Variants in TENM2 observed in about 807,000 individuals in gnomAD.
TENM2 encodes teneurin-2.
In TENM2, 52 loss-of-function variants were observed where a neutral mutation model predicts 245.2. The observed-to-expected ratio is 0.21, with a 90% CI of 0.17 to 0.27. The LOEUF (loss-of-function observed/expected upper bound fraction) is 0.27. TENM2 is among the 10% of genes least tolerant of loss of function. The probability of loss-of-function intolerance (pLI) is 1.00; values close to 1 mark genes in which losing one functional copy is unlikely to be tolerated. For missense variants in TENM2, 3,046 were observed against 3,666.8 expected, an observed-to-expected ratio of 0.83 and a Z score of 4.37; for synonymous variants, 1,363 against 1,438.9, an observed-to-expected ratio of 0.95 and a Z score of 1.19.
At chr5:167,447,459 G>T (rs548760357) in intron 2 of TENM2, among the ~76,000 whole-genome samples, 6 of 152,248 alleles carry the variant, frequency 3.9e-5, no homozygotes, top group Non-Finnish European at 8.8e-5. Flanking sequence ...TGCTTGTTTG[G>T]TTTTTCTTTT....
the TENM2 span, among the ~76,000 whole-genome samples, chr5:167,179,013 C>T: frequency 1.3e-5 from 2 of 151,996 alleles, no homozygotes; most frequent in Admixed American, 6.6e-5. Flanking sequence ...GGAGAGGTTC[C>T]GTATGTTTAA....
intron 3 of TENM2, among the ~76,000 whole-genome samples, chr5:167,910,849 A>G (rs574398109): frequency 6.6e-6 from 1 of 152,324 alleles, no homozygotes; most frequent in East Asian, 1.9e-4. Flanking sequence ...AAGTAAATCC[A>G]TGGCAGCACA....
chr5:167,840,259 C>CA (rs1369152290), intron 2 of TENM2, among the ~76,000 whole-genome samples: 2 of 151,940 alleles, frequency 1.3e-5, no homozygotes, highest in Non-Finnish European at 2.9e-5. Flanking sequence ...ACTTCAGAGC[C>CA]AAAAAAGCAG....
At position 168,138,310 on chromosome 5, in the gene TENM2, T is replaced by C. The variant is rs183047955; in HGVS notation, c.2422+11344T>C. Among the ~76,000 whole-genome samples, 9 of 152,344 alleles carry C rather than the reference T, an allele frequency of 5.9e-5. No homozygotes were observed. In the East Asian group the frequency reaches 1.5e-3, roughly 26 times the overall value. ...TAAATAATACCTACGACCTACTGTA[T>C]TGAGGATTTCACTGATGGAGAGCAC... On this transcript the variant is annotated intron_variant, in intron 12 of 28. Transcript: ENST00000518659.
At chr5:168,018,372 T>A (rs1785839802) in intron 5 of TENM2, among the ~76,000 whole-genome samples, 1 of 144,350 alleles carries the variant, frequency 6.9e-6, no homozygotes, top group Non-Finnish European at 1.5e-5. Flanking sequence ...CATGGTGTTG[T>A]GAGCTCTTTT....
chr5:167,242,374 C>T, the TENM2 span, among the ~76,000 whole-genome samples: 2 of 147,546 alleles, frequency 1.4e-5, no homozygotes, highest in Non-Finnish European at 3.0e-5. Flanking sequence ...AATTGATGTA[C>T]CCCTAACTCA....
In TENM2 at chr5:167,315,257, A is replaced by G. The variant is rs1756290650; in HGVS notation, c.226+30194A>G. The stretch of plus-strand genomic sequence containing the variant: ...GTTGTAATTCAATGACAAGGTGGAT[A>G]GGATTTGATGGCATCATTATTTTAT... On this transcript the variant is annotated intron_variant, in intron 1 of 28. Coordinates refer to ENST00000518659, the Ensembl canonical transcript of TENM2. Among the ~76,000 whole-genome samples, 3 of 152,172 alleles carry G rather than the reference A, an allele frequency of 2.0e-5. No homozygotes were observed. In the South Asian group the frequency reaches 6.2e-4, roughly 31 times the overall value.
At chr5:167,425,711 G>C (rs568333653) in intron 2 of TENM2, among the ~76,000 whole-genome samples, 14 of 151,896 alleles carry the variant, frequency 9.2e-5, no homozygotes, top group Admixed American at 5.3e-4. Flanking sequence ...ATCTCTCTGC[G>C]TCTCAGTTTC....
chr5:168,238,221 G>GAA (rs1418191846), intron 25 of TENM2, among the ~76,000 whole-genome samples: 3 of 24,368 alleles, frequency 1.2e-4, no homozygotes, highest in Non-Finnish European at 2.5e-4. Context: ...GAGGGAGAGA[G>GAA]AAGAAAAGAA....
chr5:167,196,713 A>G, the TENM2 span, among the ~76,000 whole-genome samples: 2 of 151,948 alleles, frequency 1.3e-5, no homozygotes, highest in Non-Finnish European at 2.9e-5. Context: ...ATATGAAAAT[A>G]AAAATAACAC....
At chr5:167,959,300 T>A (rs1583488908) in intron 4 of TENM2, among the ~76,000 whole-genome samples, 1 of 151,382 alleles carries the variant, frequency 6.6e-6, no homozygotes, top group East Asian at 2.0e-4. Context: ...GTTCACGCCA[T>A]TCTCCTGACT....
intron 2 of TENM2, among the ~76,000 whole-genome samples, chr5:167,490,804 A>G (rs1426436478): frequency 6.6e-6 from 1 of 152,214 alleles, no homozygotes; most frequent in Non-Finnish European, 1.5e-5. Context: ...GCAAGTGACA[A>G]AAAGTCTAAC....
At chr5:167,299,601 C>T (rs1301367650) in intron 1 of TENM2, among the ~76,000 whole-genome samples, 2 of 152,134 alleles carry the variant, frequency 1.3e-5, no homozygotes, top group Non-Finnish European at 2.9e-5. Context: ...TTTTAAGAGG[C>T]AGGCTAGTGG....
At chr5:167,468,998 T>A (rs1766842589) in intron 2 of TENM2, among the ~76,000 whole-genome samples, 1 of 152,176 alleles carries the variant, frequency 6.6e-6, no homozygotes, top group Non-Finnish European at 1.5e-5. Context: ...TGTAATTAAG[T>A]GTATTTTAAT....
intron 2 of TENM2, among the ~76,000 whole-genome samples, chr5:167,396,884 C>A (rs1215803361): frequency 6.6e-6 from 1 of 152,090 alleles, no homozygotes; most frequent in East Asian, 1.9e-4. Context: ...GCATCTTGGG[C>A]ACCTTTCTTA....
At chr5:167,012,475 T>G in the TENM2 span, among the ~76,000 whole-genome samples, 1 of 152,146 alleles carries the variant, frequency 6.6e-6, no homozygotes. Flanking sequence ...AAAAGCACAG[T>G]GTGTGTAGAC....
chr5:167,705,985 A>ATT (rs1758482600), intron 2 of TENM2, among the ~76,000 whole-genome samples: 2 of 84,682 alleles, frequency 2.4e-5, no homozygotes, highest in Non-Finnish European at 4.0e-5. Context: ...ATATATATAT[A>ATT]TATATATTTA....
chr5:167,621,240 A>T (rs1012803980), intron 2 of TENM2, among the ~76,000 whole-genome samples: 2 of 152,172 alleles, frequency 1.3e-5, no homozygotes, highest in African/African-American at 4.8e-5. Flanking sequence ...AACATTTCAG[A>T]TAATGATAAC....
chr5:167,545,082 C>T (rs1202997029), intron 2 of TENM2, among the ~76,000 whole-genome samples: 1 of 152,080 alleles, frequency 6.6e-6, no homozygotes, highest in African/African-American at 2.4e-5. Context: ...GTTGGGACAG[C>T]TGTTATGCTA....
Sources: gnomAD v4.1 joint callset for allele counts (sites outside exome capture counted in the v4.1 genomes callset) on GRCh38, gnomAD v4.1.1 for gene constraint, MANE v1.5 for transcripts, NCBI Gene and HGNC (gene_info 2026-07-23, HGNC 2026-07-21) for gene names.